MYO3A: variants seen among roughly 807,000 people sequenced by gnomAD.
MYO3A encodes the protein myosin-IIIa.
A neutral mutation model predicts 192.7 loss-of-function variants in MYO3A; 180 were observed. The ratio of observed to expected loss-of-function variants is 0.93; its 90% CI spans 0.83 to 1.06. The LOEUF is 1.06. Among genes scored for constraint, MYO3A ranks in the 50% least tolerant of loss-of-function variants. MYO3A has a pLI of 0.00. For missense variants in MYO3A, 1,896 were observed against 1,905.0 expected, an observed-to-expected ratio of 1.00 and a Z score of 0.09; for synonymous variants, 628 against 645.3, an observed-to-expected ratio of 0.97 and a Z score of 0.41.
intron 10 of MYO3A, among the ~76,000 whole-genome samples, chr10:26,062,020 T>C (rs1834514282): frequency 6.9e-6 from 1 of 144,734 alleles, no homozygotes; most frequent in South Asian, 2.3e-4. Context: ...AGACCAACTA[T>C]GTGCAAATTC....
intron 20 of MYO3A, among the ~76,000 whole-genome samples, chr10:26,137,339 G>T (rs1839911649): frequency 6.6e-6 from 1 of 152,136 alleles, no homozygotes; most frequent in Non-Finnish European, 1.5e-5. Flanking sequence ...CTGCGGCAGA[G>T]GAACATAAAT....
rs150169521 is a variant in MYO3A at position 25,970,212 on chromosome 10, A to G, written c.303+15204A>G. Among the ~76,000 whole-genome samples, 169 of 152,190 alleles carry G rather than the reference A, an allele frequency of 1.1e-3. 1 individual carries two copies. The highest frequency in any genetic ancestry group is 3.9e-3 in the African/African-American group (161 of 41,582). On this transcript the variant is annotated intron_variant, in intron 4 of 34. Transcript: ENST00000642920. The stretch of plus-strand genomic sequence containing the variant: ...ATTCTGGACCATAAGACAAATATCA[A>G]CAAGTTTAAAAGAGTCAAAATCATA...
intron 17 of MYO3A, among the ~76,000 whole-genome samples, chr10:26,103,305 G>A (rs560611179): frequency 2.3e-4 from 35 of 152,314 alleles, no homozygotes; most frequent in East Asian, 7.7e-4. Flanking sequence ...CCCTTGGCTT[G>A]AAAGGGAATT....
chr10:26,029,010 T>A (rs138363581), intron 10 of MYO3A, among the ~76,000 whole-genome samples: 2 of 152,350 alleles, frequency 1.3e-5, no homozygotes, highest in African/African-American at 4.8e-5. Flanking sequence ...TATTTTTAAT[T>A]TCCAAGGCTG....
At chr10:26,015,957 G>A (rs1841960103) in intron 6 of MYO3A, among the ~76,000 whole-genome samples, 1 of 152,120 alleles carries the variant, frequency 6.6e-6, no homozygotes. Context: ...ACTTTGGGGA[G>A]GCACTTTTCA....
At chr10:26,087,263 T>C (rs1289285970) in intron 14 of MYO3A, among the ~76,000 whole-genome samples, 1 of 152,176 alleles carries the variant, frequency 6.6e-6, no homozygotes, top group Admixed American at 6.5e-5. Flanking sequence ...CCACACCTTA[T>C]TGCCTCTTTT....
chr10:25,938,958 T>G (rs1048656682), intron 2 of MYO3A, among the ~76,000 whole-genome samples: 7 of 152,152 alleles, frequency 4.6e-5, no homozygotes, highest in Non-Finnish European at 1.0e-4. Context: ...TGAAGTATTA[T>G]GAGATACAGA....
At chr10:25,957,879 T>C (rs1837659580) in intron 4 of MYO3A, among the ~76,000 whole-genome samples, 1 of 152,224 alleles carries the variant, frequency 6.6e-6, no homozygotes, top group Admixed American at 6.5e-5. Flanking sequence ...ATTGGCTACA[T>C]GTATATCTTC....
At chr10:26,028,541 T>A (rs1842664726) in intron 10 of MYO3A, among the ~76,000 whole-genome samples, 1 of 152,252 alleles carries the variant, frequency 6.6e-6, no homozygotes, top group Non-Finnish European at 1.5e-5. Flanking sequence ...CATAATCTGC[T>A]GCAACCTCAT....
At chr10:26,018,864 T>C (rs1329141155) in intron 7 of MYO3A, among the ~76,000 whole-genome samples, 1 of 152,172 alleles carries the variant, frequency 6.6e-6, no homozygotes, top group Non-Finnish European at 1.5e-5. Context: ...TGAAAAATAA[T>C]TTTCCTTAGG....
intron 14 of MYO3A, among the ~76,000 whole-genome samples, chr10:26,075,268 TTTTA>T (rs1205676893): frequency 6.6e-6 from 1 of 151,714 alleles, no homozygotes; most frequent in Non-Finnish European, 1.5e-5. Context: ...CTTTTTTAAT[TTTTA>T]TTTATTTTTT....
At chr10:25,948,453 T>C (rs771120099) in intron 2 of MYO3A, among the ~76,000 whole-genome samples, 2 of 152,064 alleles carry the variant, frequency 1.3e-5, no homozygotes, top group Admixed American at 6.6e-5. Context: ...TAAATGCACA[T>C]ATCAAATTAT....
At chr10:26,122,167 C>A (rs1428407957) in intron 18 of MYO3A, among the ~76,000 whole-genome samples, 4 of 152,098 alleles carry the variant, frequency 2.6e-5, no homozygotes, top group African/African-American at 9.7e-5. Context: ...GAATGAGTTG[C>A]AATAGAGATA....
intron 10 of MYO3A, among the ~76,000 whole-genome samples, chr10:26,055,287 T>G (rs72791165): frequency 0.16 from 24,726 of 152,080 alleles, 2,303 homozygotes; most frequent in Non-Finnish European, 0.21. Context: ...GCTCCAGCAT[T>G]TAAGGAGGTT....
chr10:25,960,731 A>T (rs924659354), intron 4 of MYO3A, among the ~76,000 whole-genome samples: 2 of 152,110 alleles, frequency 1.3e-5, no homozygotes, highest in African/African-American at 4.8e-5. Context: ...GGAGAGGATG[A>T]TCTTGCTGTC....
intron 31 of MYO3A, among the ~76,000 whole-genome samples, chr10:26,188,267 T>A (rs1430479730): frequency 6.6e-6 from 1 of 152,222 alleles, no homozygotes; most frequent in East Asian, 1.9e-4. Flanking sequence ...TTTTCATGTG[T>A]TTTTTGGCTG....
At chr10:26,097,227 A>C (rs1287409486) in intron 17 of MYO3A, among the ~76,000 whole-genome samples, 7 of 151,976 alleles carry the variant, frequency 4.6e-5, no homozygotes, top group Non-Finnish European at 1.0e-4. Context: ...ACTTTCTATC[A>C]CTATAAATCT....
intron 4 of MYO3A, among the ~76,000 whole-genome samples, chr10:25,977,803 G>A (rs185476843): frequency 2.2e-3 from 327 of 152,018 alleles, no homozygotes; most frequent in African/African-American, 7.3e-3. Flanking sequence ...ATGCACAAAA[G>A]AGAAAGGCAT....
intron 4 of MYO3A, among the ~76,000 whole-genome samples, chr10:25,977,798 C>T (rs1403580637): frequency 6.6e-6 from 1 of 151,990 alleles, no homozygotes; most frequent in African/African-American, 2.4e-5. Context: ...AATAGATGCA[C>T]AAAAGAGAAA....
Sources: gnomAD v4.1 joint callset for allele counts (sites outside exome capture counted in the v4.1 genomes callset) on GRCh38, gnomAD v4.1.1 for gene constraint, MANE v1.5 for transcripts, NCBI Gene and HGNC (gene_info 2026-07-23, HGNC 2026-07-21) for gene names.